PLD5: variants seen among roughly 807,000 people sequenced by gnomAD.
PLD5 encodes the protein inactive phospholipase D5.
A neutral mutation model predicts 61.1 loss-of-function variants in PLD5; 36 were observed. The ratio of observed to expected loss-of-function variants is 0.59; its 90% CI spans 0.45 to 0.78. The LOEUF is 0.78. PLD5 is among the 30% of genes least tolerant of loss of function. The pLI is 0.00. For missense variants in PLD5, 515 were observed against 644.4 expected, an observed-to-expected ratio of 0.80 and a Z score of 2.17; for synonymous variants, 243 against 242.8, an observed-to-expected ratio of 1.00 and a Z score of -0.01.
At chr1:242,529,942 C>T in the PLD5 span, among the ~76,000 whole-genome samples, 2 of 152,108 alleles carry the variant, frequency 1.3e-5, no homozygotes, top group African/African-American at 4.8e-5. Context: ...AAACTCGGCG[C>T]ACCACAACCT....
chr1:242,251,450 G>C (rs1672693239), intron 4 of PLD5, among the ~76,000 whole-genome samples: 1 of 152,200 alleles, frequency 6.6e-6, no homozygotes, highest in Non-Finnish European at 1.5e-5. Flanking sequence ...AGTGTTCAAA[G>C]CTGAAGAAAG....
intron 1 of PLD5, among the ~76,000 whole-genome samples, chr1:242,418,896 G>A (rs1354954571): frequency 1.3e-5 from 2 of 152,140 alleles, no homozygotes. Context: ...AGCACCAAAT[G>A]GAATAGTAAT....
chr1:242,421,896 T>C (rs1046435159), intron 1 of PLD5, among the ~76,000 whole-genome samples: 3 of 152,238 alleles, frequency 2.0e-5, no homozygotes, highest in African/African-American at 7.2e-5. Context: ...AATGAGTGTT[T>C]AACAGTATGT....
chr1:242,166,670 G>A (rs76786977), intron 5 of PLD5, among the ~76,000 whole-genome samples: 4,160 of 152,150 alleles, frequency 0.027, 199 homozygotes, highest in African/African-American at 0.094. Context: ...TACTCTCCTC[G>A]CATATCACTA....
At chr1:242,453,580 C>T (rs1476824963) in intron 1 of PLD5, among the ~76,000 whole-genome samples, 2 of 152,158 alleles carry the variant, frequency 1.3e-5, no homozygotes, top group African/African-American at 2.4e-5. Flanking sequence ...TTTTCAAATG[C>T]TCATCCTGCA....
At chr1:242,377,323 T>C in intron 1 of PLD5, 1 of 1,607,338 alleles carries the variant, frequency 6.2e-7, no homozygotes, top group Non-Finnish European at 8.5e-7. Context: ...TTAAAATCAT[T>C]GATTTTCAGC....
At chr1:242,230,456 C>G (rs1671227177) in intron 4 of PLD5, among the ~76,000 whole-genome samples, 1 of 152,118 alleles carries the variant, frequency 6.6e-6, no homozygotes, top group South Asian at 2.1e-4. Flanking sequence ...TCTTATCCAT[C>G]AATCTCTTCT....
chr1:242,433,316 C>G (rs1160487646), intron 1 of PLD5, among the ~76,000 whole-genome samples: 1 of 152,190 alleles, frequency 6.6e-6, no homozygotes, highest in Admixed American at 6.5e-5. Flanking sequence ...AAGTAGGTGT[C>G]TCTGTCTCAC....
intron 1 of PLD5, among the ~76,000 whole-genome samples, chr1:242,451,187 T>C (rs1666762972): frequency 1.3e-5 from 2 of 152,146 alleles, no homozygotes; most frequent in South Asian, 4.1e-4. Context: ...AGAAATCCCC[T>C]ACCGCAGCAT....
At chr1:242,450,978 C>T (rs1666754722) in intron 1 of PLD5, among the ~76,000 whole-genome samples, 1 of 152,122 alleles carries the variant, frequency 6.6e-6, no homozygotes, top group Non-Finnish European at 1.5e-5. Context: ...GCCAACATTG[C>T]CTAACGTGGA....
chr1:242,313,360 TA>T (rs756159793), intron 2 of PLD5, among the ~76,000 whole-genome samples: 1 of 152,228 alleles, frequency 6.6e-6, no homozygotes, highest in Non-Finnish European at 1.5e-5. Flanking sequence ...ATATGTTACT[TA>T]ACATATGAGA....
intron 1 of PLD5, among the ~76,000 whole-genome samples, chr1:242,468,700 C>T (rs967355297): frequency 4.6e-5 from 7 of 151,844 alleles, no homozygotes; most frequent in East Asian, 1.9e-4. Context: ...TACACACACA[C>T]GCACACACAC....
intron 1 of PLD5, among the ~76,000 whole-genome samples, chr1:242,465,681 C>T (rs961482202): frequency 2.0e-5 from 3 of 152,202 alleles, no homozygotes; most frequent in Admixed American, 2.0e-4. Context: ...GTAATCCCAG[C>T]ACTTTGGGAG....
Position 242,087,000 on chromosome 1 carries a change from G to C in PLD5, c.*2854C>G, listed in dbSNP as rs760539027. On this transcript the variant is annotated 3_prime_UTR_variant, in exon 10 of 10. Coordinates refer to ENST00000536534, the MANE Select transcript of PLD5 (RefSeq NM_001372062.1). The stretch of plus-strand genomic sequence containing the variant: ...GGATATTTAGGGGTGGGGGGGAATG[G>C]AGGTTGATAGTTTGTTTAGCACAGA... 2.0e-5 allele frequency: 3 copies of C among 152,108 alleles called. No homozygotes were observed. Among genetic ancestry groups the C allele is most frequent in the Non-Finnish European group, 4.4e-5 (3 of 68,038 alleles). The allele number at this position is 152,108 out of a possible 1,614,324, so 9.4% of individuals were successfully genotyped here.
chr1:242,307,608 T>TCCC (rs547885111), intron 2 of PLD5, among the ~76,000 whole-genome samples: 284 of 152,004 alleles, frequency 1.9e-3, no homozygotes, highest in African/African-American at 6.7e-3. Context: ...TGCTCAAACA[T>TCCC]CCCCCCTTGG....
chr1:242,391,476 G>A (rs1662929167), intron 1 of PLD5, among the ~76,000 whole-genome samples: 2 of 152,178 alleles, frequency 1.3e-5, no homozygotes, highest in South Asian at 4.1e-4. Context: ...GGCAAGTATT[G>A]TTTAGACAGA....
At chr1:242,284,484 C>T (rs1490246487) in intron 3 of PLD5, among the ~76,000 whole-genome samples, 3 of 152,106 alleles carry the variant, frequency 2.0e-5, no homozygotes, top group Non-Finnish European at 4.4e-5. Flanking sequence ...ATAAGTTCCC[C>T]CAGACCTTTT....
rs1003854827 is a variant in PLD5, at chr1:242,256,919, C to G, written c.607+8418G>C. On this transcript the variant is annotated intron_variant, in intron 4 of 9. Coordinates refer to ENST00000536534, the MANE Select transcript of PLD5 (RefSeq NM_001372062.1). The surrounding 1 kb of genome is among the most constrained non-coding windows in gnomAD (Gnocchi z 5.7). The stretch of plus-strand genomic sequence containing the variant: ...TCTCTTTCTTTTTTCATCTATCTAT[C>G]TATCTATCTATCTAATCTATCTCTA... 8.6e-6 allele frequency among the ~76,000 whole-genome samples: 1 copy of G among 116,930 alleles called. No individual in the cohort carries two copies. Among genetic ancestry groups the G allele is most frequent in the Non-Finnish European group, 1.7e-5 (1 of 57,298 alleles). 76.7% of individuals were successfully genotyped at this position (116,930 alleles called of 152,430 possible). A position where few individuals can be genotyped will look rare whatever the true frequency, so the allele number is the denominator to read the frequency against.
At chr1:242,497,341 CCAAT>C (rs1668403607) in intron 1 of PLD5, among the ~76,000 whole-genome samples, 1 of 152,118 alleles carries the variant, frequency 6.6e-6, no homozygotes, top group South Asian at 2.1e-4. Context: ...TTACTATAGT[CCAAT>C]CAGACATCAT....
Sources: allele counts gnomAD v4.1 joint callset (sites outside exome capture counted in the v4.1 genomes callset), GRCh38; gene constraint gnomAD v4.1.1; non-coding constraint Gnocchi (gnomAD v3.1); transcripts MANE v1.5; gene names NCBI Gene and HGNC (gene_info 2026-07-23, HGNC 2026-07-21).